Variants in WDFY4 observed in about 807,000 individuals in gnomAD.
The protein encoded by WDFY4 is WD repeat- and FYVE domain-containing protein 4.
Under a neutral mutation model 351.9 loss-of-function variants are expected in WDFY4, and 169 were observed. That is an observed-to-expected ratio of 0.48 (90% CI 0.42 to 0.55). WDFY4 has a LOEUF of 0.55. Among genes scored for constraint, WDFY4 ranks in the 20% least tolerant of loss-of-function variants. The probability of loss-of-function intolerance (pLI) is 0.00; values close to 1 mark genes in which losing one functional copy is unlikely to be tolerated. For synonymous variants in WDFY4, 1,622 were observed against 1,574.6 expected (o/e 1.03, Z -0.71); for missense variants, 3,803 against 3,935.6 (o/e 0.97, Z 0.90).
chr10:48,828,928 G>GT, intron 37 of WDFY4, 32 bp downstream of exon 37: 1 of 258,096 alleles, frequency 3.9e-6, no homozygotes, highest in South Asian at 3.0e-5. Flanking sequence ...GTGTGTGGGC[G>GT]GGGGGGGGGC....
At chr10:48,704,873 C>T (rs911460060) in intron 1 of WDFY4, among the ~76,000 whole-genome samples, 9 of 152,246 alleles carry the variant, frequency 5.9e-5, no homozygotes, top group African/African-American at 2.2e-4. Flanking sequence ...CATGTAAATG[C>T]CTGCACTAAG....
At chr10:48,913,268 A>G in intron 47 of WDFY4, 2 of 895,450 alleles carry the variant, frequency 2.2e-6, no homozygotes, top group Non-Finnish European at 3.4e-6. Context: ...AAGGAGTTTT[A>G]TGGGCTTGGC....
At chr10:48,851,991 T>C (rs904439493) in intron 39 of WDFY4, among the ~76,000 whole-genome samples, 1 of 152,254 alleles carries the variant, frequency 6.6e-6, no homozygotes, top group Non-Finnish European at 1.5e-5. Flanking sequence ...TCTCAAACTC[T>C]TTAATGTGCT....
intron 12 of WDFY4, among the ~76,000 whole-genome samples, chr10:48,750,429 G>A (rs1430501515): frequency 6.6e-6 from 1 of 152,172 alleles, no homozygotes. Context: ...TTTCACATAT[G>A]CCCTTTACTC....
intron 51 of WDFY4, among the ~76,000 whole-genome samples, chr10:48,950,687 A>T (rs1841281246): frequency 1.3e-5 from 2 of 152,384 alleles, no homozygotes; most frequent in Admixed American, 6.5e-5. Flanking sequence ...GAGGGGACAC[A>T]GTGCTCAGAG....
At chr10:48,744,450 C>T (rs2064949935) in intron 12 of WDFY4, among the ~76,000 whole-genome samples, 1 of 152,198 alleles carries the variant, frequency 6.6e-6, no homozygotes, top group Non-Finnish European at 1.5e-5. Context: ...CCTAATCTTG[C>T]ATTCCTGCGC....
At chr10:48,914,195 A>G in intron 47 of WDFY4, 1 of 1,581,464 alleles carries the variant, frequency 6.3e-7, no homozygotes, top group Non-Finnish European at 8.6e-7. Flanking sequence ...TATTGTTCTG[A>G]TTGGATAGTG....
chr10:48,748,645 A>T (rs1213804244), intron 12 of WDFY4, among the ~76,000 whole-genome samples: 1 of 152,132 alleles, frequency 6.6e-6, no homozygotes, highest in Non-Finnish European at 1.5e-5. Context: ...GTAATGAGTA[A>T]TTTTTACATT....
intron 3 of WDFY4, among the ~76,000 whole-genome samples, chr10:48,720,349 GACAA>G (rs1379296184): frequency 5.9e-5 from 9 of 152,102 alleles, no homozygotes; most frequent in African/African-American, 2.2e-4. Context: ...CACAGACATA[GACAA>G]ACACACACAC....
At chr10:48,947,843 G>A (rs771039430) in intron 51 of WDFY4, among the ~76,000 whole-genome samples, 10 of 152,328 alleles carry the variant, frequency 6.6e-5, no homozygotes, top group Non-Finnish European at 1.3e-4. Context: ...AGTATGGGCT[G>A]CCCTGATCCA....
At position 48,723,424 on chromosome 10, in the gene WDFY4, C is replaced by T; in HGVS notation, c.457-9C>T. 6.5e-7 allele frequency: 1 copy of T among 1,549,330 alleles called. No homozygotes were observed. ...GCTGCCTGGGGTCACGTGTGCTCTT[C>T]TCTTGCAGGAGACGCTGGGCAGGGT... On this transcript the variant is annotated splice_polypyrimidine_tract_variant and intron_variant, in intron 4 of 61. Transcript: ENST00000325239.
chr10:48,958,154 C>T (rs530419063), intron 52 of WDFY4, among the ~76,000 whole-genome samples: 1 of 152,316 alleles, frequency 6.6e-6, no homozygotes, highest in South Asian at 2.1e-4. Flanking sequence ...GGAGATTAGT[C>T]CCTGCAAAAC....
At chr10:48,881,419 G>T (rs887052509) in intron 43 of WDFY4, among the ~76,000 whole-genome samples, 4 of 152,316 alleles carry the variant, frequency 2.6e-5, no homozygotes, top group African/African-American at 9.6e-5. Flanking sequence ...CTGCCGAGAT[G>T]GTGGAGGATG....
At chr10:48,799,534 A>G (rs55909310) in intron 24 of WDFY4, among the ~76,000 whole-genome samples, 18,637 of 151,962 alleles carry the variant, frequency 0.12, 1,353 homozygotes, top group Middle Eastern at 0.24. Flanking sequence ...CCCAGCACGA[A>G]GAGGCCGAGG....
intron 4 of WDFY4, among the ~76,000 whole-genome samples, chr10:48,722,005 C>A (rs911776857): frequency 6.6e-6 from 1 of 152,190 alleles, no homozygotes; most frequent in Admixed American, 6.5e-5. Context: ...CAGCAGGGAA[C>A]CTGGGTGGCT....
chr10:48,721,149 C>G, intron 3 of WDFY4, 112 bp from the exon 4 acceptor site: 1 of 1,043,112 alleles, frequency 9.6e-7, no homozygotes, highest in Non-Finnish European at 1.4e-6. Flanking sequence ...GGCAAGATGC[C>G]AAAGTCCTCT....
intron 24 of WDFY4, among the ~76,000 whole-genome samples, chr10:48,803,036 T>A (rs2067137427): frequency 1.3e-5 from 2 of 152,064 alleles, no homozygotes; most frequent in Admixed American, 1.3e-4. Flanking sequence ...AGTGCAGGCG[T>A]CCTTGGTTGG....
At chr10:48,853,370 A>G (rs554470475) in intron 39 of WDFY4, among the ~76,000 whole-genome samples, 1 of 152,290 alleles carries the variant, frequency 6.6e-6, no homozygotes, top group Non-Finnish European at 1.5e-5. Context: ...TGATCTCTTA[A>G]CTTTTCTTAG....
At chr10:48,878,894 T>C (rs2070135573) in intron 43 of WDFY4, among the ~76,000 whole-genome samples, 1 of 152,266 alleles carries the variant, frequency 6.6e-6, no homozygotes, top group African/African-American at 2.4e-5. Flanking sequence ...TCAACACTGA[T>C]GAATGACGTG....
Sources: allele counts gnomAD v4.1 joint callset (sites outside exome capture counted in the v4.1 genomes callset), GRCh38; gene constraint gnomAD v4.1.1; transcripts MANE v1.5; gene names NCBI Gene and HGNC (gene_info 2026-07-23, HGNC 2026-07-21).